Variants in MATR3 observed in about 807,000 individuals in gnomAD.
MATR3 encodes matrin 3, also known as matrin-3.
MATR3 carries 4 observed loss-of-function variants against 85.5 expected under a neutral mutation model. That is an observed-to-expected ratio of 0.05 (90% CI 0.02 to 0.11). MATR3 has a LOEUF of 0.11. Among genes scored for constraint, MATR3 ranks in the 10% least tolerant of loss-of-function variants. MATR3 has a pLI of 1.00. For missense variants in MATR3, 685 were observed against 1,016.1 expected (o/e 0.67, Z 4.43); for synonymous variants, 336 against 343.1 (o/e 0.98, Z 0.23).
In MATR3 at chr5:139,277,945, A is replaced by G. The variant is rs114237487; in HGVS notation, c.-256-1106A>G. ...GTATCTTTTAGCAATTTTGAAATAT[A>G]CAGGCCAGGCACGGTGGCTCGCACC... On this transcript the variant is annotated intron_variant, in intron 2 of 16. Coordinates refer to ENST00000509990, the Ensembl canonical transcript of MATR3. Among the ~76,000 whole-genome samples the G allele has an allele frequency of 2.0e-3, 297 of 152,164 alleles. 1 individual carries two copies. The highest frequency in any genetic ancestry group is 6.9e-3 in the African/African-American group (287 of 41,528).
At chr5:139,294,044 G>GGGAAACACGCGGCCGGCCA in intron 1 of MATR3, 1 of 1,247,148 alleles carries the variant, frequency 8.0e-7, no homozygotes, top group Admixed American at 3.9e-5. Flanking sequence ...CGGTCCGGGA[G>GGGAAACACGCGGCCGGCCA]GGAAACACGC....
At chr5:139,279,025 T>C (rs1753411265) in intron 2 of MATR3, 1 of 504,088 alleles carries the variant, frequency 2.0e-6, no homozygotes, top group African/African-American at 1.9e-5. Context: ...GGACAGCCTG[T>C]CATTCTTTAC....
At chr5:139,277,785 G>A (rs918319289) in intron 2 of MATR3, among the ~76,000 whole-genome samples, 7 of 119,328 alleles carry the variant, frequency 5.9e-5, no homozygotes, top group African/African-American at 1.2e-4. Flanking sequence ...TTTTTTAATT[G>A]ACAGTAATTG....
chr5:139,274,614 G>T (rs1386045024), intron 1 of MATR3, among the ~76,000 whole-genome samples: 1 of 152,174 alleles, frequency 6.6e-6, no homozygotes, highest in Non-Finnish European at 1.5e-5. Flanking sequence ...GCTGGAAAAA[G>T]GTATGATCTT....
chr5:139,285,898 T>C (rs1018373446), intron 3 of MATR3, among the ~76,000 whole-genome samples: 1 of 152,124 alleles, frequency 6.6e-6, no homozygotes, highest in African/African-American at 2.4e-5. Flanking sequence ...GTGAAGCCTA[T>C]GGGACACCAT....
intron 14 of MATR3, among the ~76,000 whole-genome samples, chr5:139,327,080 G>C (rs1029736097): frequency 1.3e-5 from 2 of 152,262 alleles, no homozygotes; most frequent in Non-Finnish European, 2.9e-5. Context: ...ATTGAAATTT[G>C]TTTTTGTAAT....
intron 12 of MATR3, among the ~76,000 whole-genome samples, chr5:139,323,885 GTC>G (rs1042134215): frequency 4.6e-5 from 7 of 151,480 alleles, no homozygotes; most frequent in African/African-American, 1.7e-4. Flanking sequence ...GAGCAAGACT[GTC>G]TCAAGAAAAA....
intron 3 of MATR3, among the ~76,000 whole-genome samples, chr5:139,288,645 CTCTT>C (rs1346087108): frequency 6.6e-6 from 1 of 151,908 alleles, no homozygotes; most frequent in African/African-American, 2.4e-5. Flanking sequence ...TAAACATCAT[CTCTT>C]TTTTTTTTTG....
chr5:139,311,404 T>C (rs1416456393), intron 2 of MATR3: 1 of 152,198 alleles, frequency 6.6e-6, no homozygotes, highest in East Asian at 1.9e-4. Context: ...TATAAAACTC[T>C]TTCACTTAGT....
In MATR3 at chr5:139,319,411, G is replaced by A. The variant is rs777712375; in HGVS notation, c.1512G>A (p.Pro504=). ...LGRVIHLSNL[P]HSGYSDSAVL... is the part of the protein sequence containing the mutation. ...GTGTGATACATCTCAGCAATTTGCC[G>A]CATTCTGGCTATTCTGATAGTGCTG... The change falls in exon 9 of 15, where the codon CCG becomes CCA. Residue 504 remains proline, a synonymous_variant. Coordinates refer to ENST00000394805, the MANE Select transcript of MATR3 (RefSeq NM_018834.6). 5.6e-6 allele frequency: 9 copies of A among 1,613,898 alleles called. No individual in the cohort carries two copies. The highest frequency in any genetic ancestry group is 1.7e-4 in the Middle Eastern group (1 of 6,032).
Position 139,308,399 on chromosome 5 carries a change from A to G in MATR3, c.912+72A>G, listed in dbSNP as rs1293950573. On this transcript the variant is annotated intron_variant, in intron 2 of 14. Coordinates refer to ENST00000394805, the MANE Select transcript of MATR3 (RefSeq NM_018834.6). ...CCTATTTACCTATATCTTTGACTCT[A>G]ATTCTGTAGTCTGATGACATTGAGT... 13 of 1,549,270 alleles carry G rather than the reference A, an allele frequency of 8.4e-6. No individual in the cohort carries two copies. In the Admixed American group the frequency reaches 1.0e-4, roughly 12 times the overall value.
At chr5:139,316,276 G>C (rs1214079681) in intron 5 of MATR3, 88 bp downstream of exon 5, 1 of 980,116 alleles carries the variant, frequency 1.0e-6, no homozygotes, top group Non-Finnish European at 1.6e-6. Context: ...ATGGGGTTTT[G>C]CTCTTATCGC....
rs192990041 is a variant in MATR3 at position 139,293,860 on chromosome 5, C to T, written c.-178+55C>T. The T allele has an allele frequency of 1.4e-4, 88 of 623,676 alleles. No individual in the cohort carries two copies. In the African/African-American group the frequency reaches 1.6e-3, roughly 11 times the overall value. 38.6% of individuals were successfully genotyped at this position (623,676 alleles called of 1,614,324 possible). ...CGGGTGGCTGGGGGTTCTCCGTGTC[C>T]GCCGGGAGGGGACAACGACGGCGAC... On this transcript the variant is annotated intron_variant, in intron 1 of 14. Transcript: ENST00000394805.
chr5:139,329,989 A>T lies in MATR3; in HGVS notation c.*594A>T, dbSNP rs959127142. ...TTAAGTAATTGGCTTTAGATTTTGT[A>T]ATTTTTTTCCCTGAGTTCCTGCTAG... On this transcript the variant is annotated 3_prime_UTR_variant, in exon 15 of 15. Coordinates refer to ENST00000394805, the MANE Select transcript of MATR3 (RefSeq NM_018834.6). The T allele has an allele frequency of 2.2e-6, 1 of 452,810 alleles. No individual in the cohort carries two copies. Among genetic ancestry groups the T allele is most frequent in the African/African-American group, 2.0e-5 (1 of 49,832 alleles). 28.0% of individuals were successfully genotyped at this position (452,810 alleles called of 1,614,324 possible). A position where few individuals can be genotyped will look rare whatever the true frequency, so the allele number is the denominator to read the frequency against.
chr5:139,327,465 A>G (rs1290062428), intron 14 of MATR3, among the ~76,000 whole-genome samples: 1 of 152,170 alleles, frequency 6.6e-6, no homozygotes, highest in Non-Finnish European at 1.5e-5. Context: ...TTGTTGCCCA[A>G]GGCTGAAGTG....
chr5:139,318,885 A>G (rs1419953759), intron 7 of MATR3, 23 bp from the exon 8 acceptor site: 1 of 1,613,372 alleles, frequency 6.2e-7, no homozygotes, highest in East Asian at 2.2e-5. Context: ...AAAACAGAGA[A>G]ATAACTTTTT....
At chr5:139,280,452 T>C (rs147348241) in intron 3 of MATR3, 193 of 152,350 alleles carry the variant, frequency 1.3e-3, no homozygotes, top group African/African-American at 4.4e-3. Flanking sequence ...TAGAGCATCA[T>C]ACTCTTCATC....
chr5:139,324,402 T>C (rs1755739351), intron 12 of MATR3, among the ~76,000 whole-genome samples: 1 of 151,382 alleles, frequency 6.6e-6, no homozygotes, highest in African/African-American at 2.4e-5. Context: ...CAAGTTCTGC[T>C]GCCTCAGCCT....
rs369193163 is a variant in MATR3 at position 139,314,771 on chromosome 5, C to A, written c.974+35C>A. 6 of 1,587,488 alleles carry A rather than the reference C, an allele frequency of 3.8e-6. No homozygotes were observed. In the Admixed American group the frequency reaches 8.4e-5, roughly 22 times the overall value. On this transcript the variant is annotated intron_variant, in intron 3 of 14. Transcript: ENST00000394805. ...TGAAATACCTTTAAAACATCCTTATCGTGAATCAGAATCAGCCATTATTGG... is the reference window on the plus strand; with the variant it reads ...TGAAATACCTTTAAAACATCCTTATAGTGAATCAGAATCAGCCATTATTGG...
Sources: allele counts gnomAD v4.1 joint callset (sites outside exome capture counted in the v4.1 genomes callset), GRCh38; gene constraint gnomAD v4.1.1; transcripts MANE v1.5; gene names NCBI Gene and HGNC (gene_info 2026-07-23, HGNC 2026-07-21).